CLCN6: variants seen among roughly 807,000 people sequenced by gnomAD.
The protein encoded by CLCN6 is H(+)/Cl(-) exchange transporter 6.
CLCN6 carries 70 observed loss-of-function variants against 109.8 expected under a neutral mutation model. That is an observed-to-expected ratio of 0.64 (90% CI 0.53 to 0.78). The LOEUF is 0.78. Among genes scored for constraint, CLCN6 ranks in the 30% least tolerant of loss-of-function variants. The probability of loss-of-function intolerance (pLI) is 0.00; values close to 1 mark genes in which losing one functional copy is unlikely to be tolerated. For missense variants in CLCN6, 984 were observed against 1,142.3 expected (o/e 0.86, Z 2.00); for synonymous variants, 444 against 447.8 (o/e 0.99, Z 0.11).
At chr1:11,828,650 G>T in intron 12 of CLCN6, 26 bp downstream of exon 12, 2 of 1,571,706 alleles carry the variant, frequency 1.3e-6, no homozygotes, top group Non-Finnish European at 1.7e-6. Flanking sequence ...CCTCCCCCCC[G>T]AGCCTGCTGC....
At chr1:11,837,270 G>A in intron 19 of CLCN6, 73 bp from the exon 20 acceptor site, 1 of 1,586,128 alleles carries the variant, frequency 6.3e-7, no homozygotes, top group Non-Finnish European at 8.6e-7. Context: ...TGGATGGGGA[G>A]CGGGCTGGGA....
chr1:11,822,260 T>C (rs1644755095), intron 5 of CLCN6, among the ~76,000 whole-genome samples: 2 of 152,160 alleles, frequency 1.3e-5, no homozygotes, highest in African/African-American at 4.8e-5. Context: ...TCTCAAACAA[T>C]TTTTTCTTTT....
At chr1:11,822,147 G>A (rs550665221) in intron 5 of CLCN6, among the ~76,000 whole-genome samples, 1 of 152,124 alleles carries the variant, frequency 6.6e-6, no homozygotes, top group South Asian at 2.1e-4. Flanking sequence ...AATACCTGGA[G>A]CATATATGGC....
chr1:11,821,136 ATATTG>A (rs1460992257), intron 5 of CLCN6, among the ~76,000 whole-genome samples: 1 of 152,166 alleles, frequency 6.6e-6, no homozygotes, highest in Non-Finnish European at 1.5e-5. Flanking sequence ...ATCAAAGTAC[ATATTG>A]TATTTATAAA....
chr1:11,832,626 C>A (rs1400685275), intron 13 of CLCN6, among the ~76,000 whole-genome samples: 1 of 152,266 alleles, frequency 6.6e-6, no homozygotes, highest in African/African-American at 2.4e-5. Context: ...AAACCACCCC[C>A]TGGTATTGTT....
chr1:11,831,378 A>G (rs1644882260), intron 13 of CLCN6, among the ~76,000 whole-genome samples: 1 of 151,218 alleles, frequency 6.6e-6, no homozygotes, highest in African/African-American at 2.4e-5. Flanking sequence ...GCTTGTTTTG[A>G]ACTCCTGACC....
chr1:11,834,505 T>A lies in CLCN6; in HGVS notation c.1708T>A (p.Phe570Ile), dbSNP rs1226780108. ...TCAGGTGGCCAAATGGACAGGGGAC[T>A]TTTTCAATAAGGGCATTTATGATAT... ...TLMVAKWTGD[F>I]FNKGIYDIHV... Residue 570 changes from phenylalanine (F) to isoleucine (I), a missense_variant, in exon 17 of 23, where the codon TTT becomes ATT. Phe to Ile is a conservative substitution (Grantham distance 21). Coordinates refer to ENST00000346436, the MANE Select transcript of CLCN6 (RefSeq NM_001286.5). This position sits in a 1 kb window ranked among gnomAD's most constrained non-coding sequence, Gnocchi z 4.5. The A allele has an allele frequency of 1.2e-6, 2 of 1,614,148 alleles. No homozygotes were observed. Among genetic ancestry groups the A allele is most frequent in the Non-Finnish European group, 1.7e-6 (2 of 1,180,016 alleles).
At position 11,823,688 on chromosome 1, in the gene CLCN6, G is replaced by T. The variant is rs757334578; in HGVS notation, c.454-19G>T. On this transcript the variant is annotated intron_variant, in intron 6 of 22. Transcript: ENST00000346436. The stretch of plus-strand genomic sequence containing the variant: ...CCAATGGATTTCGAGTTATGGGTGT[G>T]CCTGCTCTCCTCCATCAGCCGGTGG... The T allele has an allele frequency of 5.6e-6, 9 of 1,614,040 alleles. No homozygotes were observed. The African/African-American group carries it at 1.1e-4, about 19-fold the overall frequency.
In CLCN6 at chr1:11,818,027, C is replaced by T. The variant is rs189283047; in HGVS notation, c.279+1347C>T. Reference sequence around the variant, plus strand: ...CTGTAATCCCAGCATTTTGAGAGGCCGAGACAGGAGGACTGCTTGAGCCCA... The same window carrying T: ...CTGTAATCCCAGCATTTTGAGAGGCTGAGACAGGAGGACTGCTTGAGCCCA... On this transcript the variant is annotated intron_variant, in intron 4 of 22. Transcript: ENST00000346436. Among the ~76,000 whole-genome samples the T allele has an allele frequency of 4.6e-5, 7 of 151,630 alleles. No homozygotes were observed. The East Asian group carries it at 1.2e-3, about 25-fold the overall frequency.
intron 18 of CLCN6, 107 bp from the exon 19 acceptor site, chr1:11,836,892 G>A (rs756427469): frequency 4.4e-5 from 58 of 1,316,564 alleles, no homozygotes; most frequent in South Asian, 1.2e-4. Flanking sequence ...AAGTTCCTGC[G>A]TCCGGATGTG....
rs893375416 is a variant in CLCN6, at chr1:11,834,820, G to A, written c.1793+230G>A. 1.3e-5 allele frequency among the ~76,000 whole-genome samples: 2 copies of A among 152,172 alleles called. No homozygotes were observed. The highest frequency in any genetic ancestry group is 6.5e-5 in the Admixed American group (1 of 15,290). ...GGACTGCAGTGGGCAGGGCCTCTTC[G>A]TGGTGGTTTGACTCCCATGGCATTC... On this transcript the variant is annotated intron_variant, in intron 17 of 22. Coordinates refer to ENST00000346436, the MANE Select transcript of CLCN6 (RefSeq NM_001286.5). The surrounding 1 kb of genome is among the most constrained non-coding windows in gnomAD (Gnocchi z 4.5).
Position 11,836,124 on chromosome 1 carries a change from C to A in CLCN6, c.1951C>A (p.Gln651Lys). The A allele has an allele frequency of 6.2e-7, 1 of 1,613,116 alleles. No homozygotes were observed. Among genetic ancestry groups the A allele is most frequent in the Non-Finnish European group, 8.5e-7 (1 of 1,179,778 alleles). The change falls in exon 18 of 23, where the codon CAG becomes AAG. Residue 651 changes from glutamine (Q) to lysine (K), a missense_variant. Physicochemically the swap from Gln to Lys is moderately conservative, Grantham distance 53. Transcript: ENST00000346436. Reference protein sequence around the residue: ...GNEKEFMKGNQLISNNIKFKK... With the variant: ...GNEKEFMKGNKLISNNIKFKK... ...CGAGAAGGAGTTCATGAAGGGCAAC[C>A]AGCTCATCAGCAACAACATCAAGTT...
At chr1:11,808,227 T>TCGTG (rs1644548460) in intron 2 of CLCN6, among the ~76,000 whole-genome samples, 1 of 139,160 alleles carries the variant, frequency 7.2e-6, no homozygotes, top group Non-Finnish European at 1.5e-5. Flanking sequence ...GTGTGTGTGT[T>TCGTG]TGTGTGTGTG....
chr1:11,828,258 C>G (rs766982803), intron 11 of CLCN6, 39 bp downstream of exon 11: 2 of 1,572,290 alleles, frequency 1.3e-6, no homozygotes, highest in East Asian at 2.2e-5. Context: ...TTAATTTGAC[C>G]CATGAAAATT....
At position 11,837,233 on chromosome 1, in the gene CLCN6, G is replaced by A. The variant is rs1644962080; in HGVS notation, c.2138+77G>A. ...TGAGCCTTTGGCTCAGATGTTGTGA[G>A]GTGGCTCCTGAGTTTCCTGGGAAAG... On this transcript the variant is annotated intron_variant, in intron 19 of 22. Transcript: ENST00000346436. The A allele has an allele frequency of 4.4e-6, 7 of 1,591,008 alleles. No homozygotes were observed. In the South Asian group the frequency reaches 6.8e-5, roughly 15 times the overall value.
chr1:11,816,716 A>T (rs1208881535), intron 4 of CLCN6, 36 bp downstream of exon 4: 1 of 1,554,244 alleles, frequency 6.4e-7, no homozygotes, highest in Admixed American at 1.8e-5. Context: ...GGTGGGCCAT[A>T]GGGCTGGAGG....
intron 4 of CLCN6, among the ~76,000 whole-genome samples, chr1:11,817,177 C>T (rs913664224): frequency 5.3e-5 from 8 of 152,130 alleles, no homozygotes; most frequent in South Asian, 2.1e-4. Flanking sequence ...ACTGCAGCCT[C>T]GACCTTCTGG....
rs533407817 is a variant in CLCN6 at position 11,828,077 on chromosome 1, C to T, written c.841-29C>T. ...AGAGTAGGACATGCCACTCCTGAAC[C>T]TTCTTGTCTTTTGTCACCTCTCCCC... On this transcript the variant is annotated intron_variant, in intron 10 of 22. Transcript: ENST00000346436. 7.1e-6 allele frequency: 11 copies of T among 1,550,524 alleles called. No homozygotes were observed. The East Asian group carries it at 2.0e-4, about 28-fold the overall frequency.
intron 2 of CLCN6, among the ~76,000 whole-genome samples, chr1:11,813,867 C>T (rs898496892): frequency 6.6e-6 from 1 of 152,100 alleles, no homozygotes; most frequent in Non-Finnish European, 1.5e-5. Context: ...TTTTAATTCT[C>T]CATCCTGCTT....
Sources: allele counts gnomAD v4.1 joint callset (sites outside exome capture counted in the v4.1 genomes callset), GRCh38; gene constraint gnomAD v4.1.1; non-coding constraint Gnocchi (gnomAD v3.1); transcripts MANE v1.5; gene names NCBI Gene and HGNC (gene_info 2026-07-23, HGNC 2026-07-21).